The following ADGRL3 variants were observed in gnomAD, a reference collection of about 807,000 sequenced individuals.
ADGRL3 encodes the protein calcium-independent alpha-latrotoxin receptor 3.
In ADGRL3, 62 loss-of-function variants were observed where a neutral mutation model predicts 153.5. The ratio of observed to expected loss-of-function variants is 0.40; its 90% CI spans 0.33 to 0.50. The LOEUF is 0.50. ADGRL3 is among the 20% of genes least tolerant of loss of function. The pLI is 0.47. For missense variants in ADGRL3, 1,641 were observed against 1,859.4 expected (o/e 0.88, Z 2.16); for synonymous variants, 710 against 672.5 (o/e 1.06, Z -0.86).
intron 5 of ADGRL3, among the ~76,000 whole-genome samples, chr4:61,590,822 G>A (rs2098966168): frequency 6.6e-6 from 1 of 152,156 alleles, no homozygotes; most frequent in Non-Finnish European, 1.5e-5. Flanking sequence ...AGAGACCTAA[G>A]TGATACTAGC....
At chr4:62,048,540 C>T (rs1288965653) in intron 25 of ADGRL3, among the ~76,000 whole-genome samples, 1 of 151,946 alleles carries the variant, frequency 6.6e-6, no homozygotes, top group Admixed American at 6.6e-5. Flanking sequence ...GGATTACAGG[C>T]ATGAGCCACC....
At chr4:61,870,418 C>CT (rs1177106165) in intron 9 of ADGRL3, among the ~76,000 whole-genome samples, 1 of 151,996 alleles carries the variant, frequency 6.6e-6, no homozygotes, top group Non-Finnish European at 1.5e-5. Flanking sequence ...CATTTAACAC[C>CT]AACAGCACAA....
chr4:61,789,358 GT>G (rs1390457196), intron 8 of ADGRL3, among the ~76,000 whole-genome samples: 1 of 152,030 alleles, frequency 6.6e-6, no homozygotes, highest in Non-Finnish European at 1.5e-5. Flanking sequence ...GAGAAGAAAT[GT>G]TCTGAGGGCT....
At chr4:61,546,176 T>A (rs2098713119) in intron 4 of ADGRL3, among the ~76,000 whole-genome samples, 1 of 152,156 alleles carries the variant, frequency 6.6e-6, no homozygotes, top group Non-Finnish European at 1.5e-5. Flanking sequence ...GTCATATCTC[T>A]CTCCGGATTT....
chr4:62,030,676 A>G (rs570489020), intron 22 of ADGRL3, among the ~76,000 whole-genome samples: 28 of 151,692 alleles, frequency 1.8e-4, no homozygotes, highest in African/African-American at 5.5e-4. Context: ...TCTCAGCTTC[A>G]TCTTCTCCCT....
intron 1 of ADGRL3, among the ~76,000 whole-genome samples, chr4:61,287,831 A>G (rs1025127947): frequency 3.9e-4 from 59 of 151,926 alleles, no homozygotes; most frequent in African/African-American, 1.3e-3. Context: ...CATGGCTAGG[A>G]AATTCGGGGT....
chr4:61,693,068 T>G (rs918841677), intron 6 of ADGRL3, among the ~76,000 whole-genome samples: 3 of 152,126 alleles, frequency 2.0e-5, no homozygotes, highest in Non-Finnish European at 4.4e-5. Context: ...GTGCCAAAAT[T>G]TATGAGTAAA....
chr4:61,359,478 C>G (rs2096249350), intron 1 of ADGRL3, among the ~76,000 whole-genome samples: 1 of 152,124 alleles, frequency 6.6e-6, no homozygotes, highest in African/African-American at 2.4e-5. Context: ...GCCCATTAGC[C>G]CCCTTGCTGC....
At chr4:61,950,805 C>T (rs1001863618) in intron 17 of ADGRL3, among the ~76,000 whole-genome samples, 1 of 152,170 alleles carries the variant, frequency 6.6e-6, no homozygotes, top group African/African-American at 2.4e-5. Flanking sequence ...GAGGTTGTTT[C>T]AGTAGCTATT....
intron 1 of ADGRL3, among the ~76,000 whole-genome samples, chr4:61,291,881 T>C (rs2094232025): frequency 6.9e-6 from 1 of 144,516 alleles, no homozygotes; most frequent in African/African-American, 2.6e-5. Context: ...CTAGTATGCA[T>C]TCTTTAGGCT....
intron 5 of ADGRL3, among the ~76,000 whole-genome samples, chr4:61,639,501 G>A (rs561641434): frequency 1.3e-5 from 2 of 152,118 alleles, no homozygotes; most frequent in South Asian, 4.1e-4. Flanking sequence ...ACATAGAAAG[G>A]AAATTTCAAC....
At chr4:62,013,445 C>T (rs895577281) in intron 21 of ADGRL3, among the ~76,000 whole-genome samples, 1 of 151,300 alleles carries the variant, frequency 6.6e-6, no homozygotes, top group Non-Finnish European at 1.5e-5. Flanking sequence ...AGGAGACTGA[C>T]GCAGGAGAAT....
intron 21 of ADGRL3, among the ~76,000 whole-genome samples, chr4:62,023,189 G>C (rs1055420269): frequency 3.9e-5 from 6 of 152,152 alleles, no homozygotes; most frequent in Non-Finnish European, 8.8e-5. Flanking sequence ...CAAGACTTTA[G>C]TGGAGGAAAT....
chr4:61,231,625 GC>G, intron 1 of ADGRL3, among the ~76,000 whole-genome samples: 1 of 152,174 alleles, frequency 6.6e-6, no homozygotes, highest in Admixed American at 6.5e-5. Context: ...GTGCTTCTGT[GC>G]ATTTCCTTAG....
intron 9 of ADGRL3, among the ~76,000 whole-genome samples, chr4:61,835,342 A>G (rs2097919301): frequency 6.9e-6 from 1 of 145,916 alleles, no homozygotes; most frequent in Non-Finnish European, 1.5e-5. Context: ...AGACTGAAAA[A>G]AAAAAAAAAA....
At chr4:61,487,262 G>A (rs1299534585) in intron 2 of ADGRL3, among the ~76,000 whole-genome samples, 2 of 152,128 alleles carry the variant, frequency 1.3e-5, no homozygotes, top group Admixed American at 1.3e-4. Flanking sequence ...TTTTAACTAT[G>A]TGGCCTCAAC....
At chr4:61,840,966 C>G (rs2098021770) in intron 9 of ADGRL3, among the ~76,000 whole-genome samples, 1 of 152,030 alleles carries the variant, frequency 6.6e-6, no homozygotes, top group Admixed American at 6.6e-5. Flanking sequence ...TCTAATAGAG[C>G]TTTCTCCTCA....
chr4:61,313,826 A>G (rs531478711), intron 1 of ADGRL3, among the ~76,000 whole-genome samples: 25 of 152,312 alleles, frequency 1.6e-4, no homozygotes, highest in Admixed American at 1.6e-3. Flanking sequence ...CCAGAGCCTA[A>G]CCTAACAGGT....
intron 6 of ADGRL3, among the ~76,000 whole-genome samples, chr4:61,686,299 C>A: frequency 6.6e-6 from 1 of 151,984 alleles, no homozygotes; most frequent in East Asian, 1.9e-4. Context: ...GTATTTGTTG[C>A]TGAAAAGATC....
Sources: gnomAD v4.1 joint callset for allele counts (sites outside exome capture counted in the v4.1 genomes callset) on GRCh38, gnomAD v4.1.1 for gene constraint, MANE v1.5 for transcripts, NCBI Gene and HGNC (gene_info 2026-07-23, HGNC 2026-07-21) for gene names.